VPS35L: variants seen among roughly 807,000 people sequenced by gnomAD.
VPS35L encodes VPS35 endosomal protein sorting factor like, also known as VPS35 endosomal protein-sorting factor-like.
In VPS35L, 83 loss-of-function variants were observed where a neutral mutation model predicts 133.0. That is an observed-to-expected ratio of 0.62 (90% CI 0.52 to 0.75). The LOEUF is 0.75. Ranked by LOEUF, VPS35L falls within the 30% of genes least tolerant of loss-of-function variation. The pLI, the probability that VPS35L is intolerant of heterozygous loss-of-function variation, is 0.00. For synonymous variants in VPS35L, 423 were observed against 449.9 expected (o/e 0.94, Z 0.76); for missense variants, 1,083 against 1,206.8 (o/e 0.90, Z 1.52).
intron 5 of VPS35L, among the ~76,000 whole-genome samples, chr16:19,577,405 C>T (rs937368624): frequency 7.9e-5 from 12 of 152,102 alleles, no homozygotes; most frequent in African/African-American, 2.7e-4. Flanking sequence ...GGCACCAAGC[C>T]GTTCATGGTG....
At position 19,652,101 on chromosome 16, in the gene VPS35L, C is replaced by T; in HGVS notation, c.2221+11C>T. The T allele has an allele frequency of 6.5e-7, 1 of 1,533,014 alleles. No individual in the cohort carries two copies. The highest frequency in any genetic ancestry group is 9.0e-7 in the Non-Finnish European group (1 of 1,115,010). 95.0% of individuals were successfully genotyped at this position (1,533,014 alleles called of 1,614,324 possible). ...AGTGCCTCTCCCAAGGTAAGTCCAT[C>T]ATTCTCTCATCTCGGGCACTCCCTT... On this transcript the variant is annotated intron_variant, in intron 26 of 30. Coordinates refer to ENST00000417362, the MANE Select transcript of VPS35L (RefSeq NM_020314.7).
At chr16:19,645,439 G>A (rs1973912284) in intron 23 of VPS35L, among the ~76,000 whole-genome samples, 1 of 151,994 alleles carries the variant, frequency 6.6e-6, no homozygotes, top group Non-Finnish European at 1.5e-5. Context: ...ACAGGCGCCC[G>A]GCACCACGCC....
At chr16:19,688,374 A>G (rs1280761539) in intron 28 of VPS35L, among the ~76,000 whole-genome samples, 1 of 152,192 alleles carries the variant, frequency 6.6e-6, no homozygotes, top group Non-Finnish European at 1.5e-5. Context: ...TGGGGCGAGA[A>G]AAGCACAACA....
chr16:19,583,685 C>G (rs34850685), intron 7 of VPS35L, among the ~76,000 whole-genome samples: 22,971 of 151,018 alleles, frequency 0.15, 2,133 homozygotes, highest in African/African-American at 0.25. Flanking sequence ...TCGCACTACA[C>G]CACTCCAGCC....
In VPS35L at chr16:19,616,820, G is replaced by T. The variant is rs1207039943; in HGVS notation, c.1224+12G>T. ...ACCATGCCCCCGAGGTAACTGCCAG[G>T]TGGCTTCAGTGTGACGCTCACCTCC... On this transcript the variant is annotated intron_variant, in intron 14 of 30. Transcript: ENST00000417362. 6.2e-7 allele frequency: 1 copy of T among 1,614,160 alleles called. No homozygotes were observed. Among genetic ancestry groups the T allele is most frequent in the South Asian group, 1.1e-5 (1 of 91,088 alleles).
At chr16:19,692,628 A>G (rs1374011319) in intron 29 of VPS35L, among the ~76,000 whole-genome samples, 1 of 151,982 alleles carries the variant, frequency 6.6e-6, no homozygotes, top group Non-Finnish European at 1.5e-5. Context: ...CAATGGCATG[A>G]TCTTAGCTCA....
Position 19,573,435 on chromosome 16 carries a change from C to CA in VPS35L, c.408+203dup, listed in dbSNP as rs529250434. 4.8e-3 allele frequency: 2,499 copies of CA among 519,364 alleles called. 3 individuals are homozygous for CA. The highest frequency in any genetic ancestry group is 8.1e-3 in the Middle Eastern group (14 of 1,730). The allele number at this position is 519,364 out of a possible 1,614,324, so 32.2% of individuals were successfully genotyped here. On this transcript the variant is annotated intron_variant, in intron 4 of 30. Transcript: ENST00000417362. ...CAGAAAAATGTGCTGACAGGTTTCCCAAAAAAAAATGTTAAGGATCAGGGA... is the reference window on the plus strand; with the variant it reads ...CAGAAAAATGTGCTGACAGGTTTCCCAAAAAAAAAATGTTAAGGATCAGGGA...
At chr16:19,682,100 CA>C in intron 27 of VPS35L, 124 bp from the exon 28 acceptor site, 1 of 1,088,628 alleles carries the variant, frequency 9.2e-7, no homozygotes, top group Non-Finnish European at 1.3e-6. Flanking sequence ...TGCCTTTGTT[CA>C]GTAACTGACA....
chr16:19,670,709 C>T (rs1002433763), intron 27 of VPS35L, among the ~76,000 whole-genome samples: 1 of 152,176 alleles, frequency 6.6e-6, no homozygotes, highest in African/African-American at 2.4e-5. Context: ...AATGAGGCCA[C>T]TCCCGGGACC....
chr16:19,650,487 A>G (rs368050588), intron 25 of VPS35L, 28 bp downstream of exon 25: 78 of 1,563,034 alleles, frequency 5.0e-5, no homozygotes, highest in Non-Finnish European at 6.4e-5. Context: ...GGACTGTTGG[A>G]CCTCGAACTC....
rs1284354522 is a variant in VPS35L, at chr16:19,699,187, G to C, written c.2647-315G>C. Reference sequence around the variant, plus strand: ...TTGCATTAAAGCAAGGCTTGTCCCTGCTGGGGTACCCTTCATTCCTCGACC... The same window carrying C: ...TTGCATTAAAGCAAGGCTTGTCCCTCCTGGGGTACCCTTCATTCCTCGACC... On this transcript the variant is annotated intron_variant, in intron 29 of 30. Coordinates refer to ENST00000417362, the MANE Select transcript of VPS35L (RefSeq NM_020314.7). The surrounding 1 kb of genome is among the most constrained non-coding windows in gnomAD (Gnocchi z 4.2). Among the ~76,000 whole-genome samples, 1 of 152,186 alleles carries C rather than the reference G, an allele frequency of 6.6e-6. No homozygotes were observed. Among genetic ancestry groups the C allele is most frequent in the Non-Finnish European group, 1.5e-5 (1 of 68,032 alleles).
intron 29 of VPS35L, among the ~76,000 whole-genome samples, chr16:19,692,172 G>C (rs537554508): frequency 6.6e-6 from 1 of 151,908 alleles, no homozygotes; most frequent in African/African-American, 2.4e-5. Context: ...CACTGCACCC[G>C]GCCTGGACCT....
chr16:19,621,562 A>T (rs1423132944), intron 14 of VPS35L, among the ~76,000 whole-genome samples: 1 of 152,246 alleles, frequency 6.6e-6, no homozygotes, highest in African/African-American at 2.4e-5. Flanking sequence ...AAATGAAAGA[A>T]ATATGCTGAG....
intron 14 of VPS35L, among the ~76,000 whole-genome samples, chr16:19,622,915 T>C (rs1973129680): frequency 6.6e-6 from 1 of 152,164 alleles, no homozygotes; most frequent in South Asian, 2.1e-4. Flanking sequence ...TGTGTCCTCC[T>C]CCACAACAAG....
intron 9 of VPS35L, among the ~76,000 whole-genome samples, chr16:19,605,266 TA>T (rs1567416077): frequency 6.6e-6 from 1 of 152,112 alleles, no homozygotes; most frequent in Non-Finnish European, 1.5e-5. Context: ...AGCAGCACCA[TA>T]AAAGAAAAAT....
At chr16:19,689,058 G>C (rs976992170) in intron 28 of VPS35L, among the ~76,000 whole-genome samples, 2 of 81,232 alleles carry the variant, frequency 2.5e-5, no homozygotes, top group African/African-American at 1.1e-4. Context: ...TTTTTTTTTT[G>C]AGATGGAGTC....
At chr16:19,669,098 G>A in intron 26 of VPS35L, 62 bp from the exon 27 acceptor site, 1 of 1,530,922 alleles carries the variant, frequency 6.5e-7, no homozygotes, top group Non-Finnish European at 8.8e-7. Flanking sequence ...GCCACGTGAA[G>A]AAGAAAGCCA....
At chr16:19,683,000 C>G (rs1021430933) in intron 28 of VPS35L, among the ~76,000 whole-genome samples, 1 of 152,236 alleles carries the variant, frequency 6.6e-6, no homozygotes, top group African/African-American at 2.4e-5. Context: ...TCTCGGCCCA[C>G]TGCAGCCTTT....
intron 26 of VPS35L, among the ~76,000 whole-genome samples, chr16:19,655,727 A>G (rs938877982): frequency 7.2e-5 from 11 of 152,274 alleles, no homozygotes; most frequent in Non-Finnish European, 1.3e-4. Flanking sequence ...ACCACCCCAG[A>G]GTATTTAGGA....
Sources: gnomAD v4.1 joint callset for allele counts (sites outside exome capture counted in the v4.1 genomes callset) on GRCh38, gnomAD v4.1.1 for gene constraint, Gnocchi (gnomAD v3.1) non-coding constraint, MANE v1.5 for transcripts, NCBI Gene and HGNC (gene_info 2026-07-23, HGNC 2026-07-21) for gene names.